SIPA1L1: variants seen among roughly 807,000 people sequenced by gnomAD.
SIPA1L1 encodes signal induced proliferation associated 1 like 1.
In SIPA1L1, 26 loss-of-function variants were observed where a neutral mutation model predicts 162.7. The observed-to-expected ratio is 0.16, with a 90% CI of 0.12 to 0.22. SIPA1L1 has a LOEUF of 0.22. Among genes scored for constraint, SIPA1L1 ranks in the 10% least tolerant of loss-of-function variants. The pLI is 1.00. For missense variants in SIPA1L1, 1,874 were observed against 2,241.0 expected, an observed-to-expected ratio of 0.84 and a Z score of 3.31; for synonymous variants, 829 against 837.4, an observed-to-expected ratio of 0.99 and a Z score of 0.17.
intron 2 of SIPA1L1, among the ~76,000 whole-genome samples, chr14:71,336,240 C>G (rs1043927652): frequency 6.6e-6 from 1 of 152,116 alleles, no homozygotes; most frequent in African/African-American, 2.4e-5. Context: ...ATTAAAAAGT[C>G]AGTAGTTCTT....
chr14:71,510,479 C>T (rs1357699014), intron 2 of SIPA1L1, among the ~76,000 whole-genome samples: 2 of 152,016 alleles, frequency 1.3e-5, no homozygotes, highest in Admixed American at 6.6e-5. Flanking sequence ...CGAGCCACCA[C>T]GCCTGGCCTA....
At chr14:71,454,106 G>C (rs894317836) in intron 2 of SIPA1L1, among the ~76,000 whole-genome samples, 1 of 151,080 alleles carries the variant, frequency 6.6e-6, no homozygotes, top group African/African-American at 2.4e-5. Context: ...AACAAACCCT[G>C]TGTTCCCAGG....
chr14:71,474,650 A>G lies in SIPA1L1; in HGVS notation c.-464-38093A>G, dbSNP rs143461491. Among the ~76,000 whole-genome samples, 351 of 152,338 alleles carry G rather than the reference A, an allele frequency of 2.3e-3. 3 individuals carry two copies. The highest frequency in any genetic ancestry group is 7.8e-3 in the African/African-American group (324 of 41,568). On this transcript the variant is annotated intron_variant, in intron 2 of 23. Transcript: ENST00000381232. ...GCCCTGTCATTGTTCAGGTGAGGAC[A>G]TCTCTGCTGTGCACCACACTGCTCA...
At chr14:71,420,875 G>A (rs544895823) in intron 2 of SIPA1L1, among the ~76,000 whole-genome samples, 2 of 152,122 alleles carry the variant, frequency 1.3e-5, no homozygotes, top group Non-Finnish European at 2.9e-5. Flanking sequence ...CTAGCTAGTC[G>A]TGTAAGCCCT....
At chr14:71,323,090 C>T (rs1211604027) in intron 2 of SIPA1L1, among the ~76,000 whole-genome samples, 1 of 152,204 alleles carries the variant, frequency 6.6e-6, no homozygotes, top group East Asian at 1.9e-4. Flanking sequence ...CAGGCTTCTG[C>T]ATTTGCTTTG....
chr14:71,624,161 C>T lies in SIPA1L1; in HGVS notation c.1743C>T (p.Leu581=), dbSNP rs771103444. The change falls in exon 7 of 24, where the codon CTC becomes CTT. Residue 581 remains leucine (L), a synonymous_variant. Coordinates refer to ENST00000381232, the MANE Select transcript of SIPA1L1 (RefSeq NM_001386936.1). ...KEVLEHVVPE[L]NVQCLRLAFN... ...TGCTGGAGCACGTGGTTCCTGAGCTCAATGTCCAGTGCCTGCGGTTGGCCT... is the reference window on the plus strand; with the variant it reads ...TGCTGGAGCACGTGGTTCCTGAGCTTAATGTCCAGTGCCTGCGGTTGGCCT... The T allele has an allele frequency of 4.3e-6, 7 of 1,614,054 alleles. No homozygotes were observed.
At chr14:71,363,676 C>T (rs2038013479) in intron 2 of SIPA1L1, among the ~76,000 whole-genome samples, 1 of 152,066 alleles carries the variant, frequency 6.6e-6, no homozygotes, top group Non-Finnish European at 1.5e-5. Flanking sequence ...GTAAATAATC[C>T]ACAAATCACT....
chr14:71,452,174 C>G lies in SIPA1L1; in HGVS notation c.-464-60569C>G, dbSNP rs546744071. Among the ~76,000 whole-genome samples, 4 of 152,072 alleles carry G rather than the reference C, an allele frequency of 2.6e-5. 1 individual carries two copies. The highest frequency in any genetic ancestry group is 6.8e-3 in the Middle Eastern group (2 of 294). On this transcript the variant is annotated intron_variant, in intron 2 of 23. Coordinates refer to ENST00000381232, the MANE Select transcript of SIPA1L1 (RefSeq NM_001386936.1). ...CACCACCATTACAGGAAACCCCCCC[C>G]TCATGTTCTCTCCCATTTCAGTACC...
At chr14:71,519,953 A>C (rs2052141342) in intron 3 of SIPA1L1, among the ~76,000 whole-genome samples, 1 of 152,162 alleles carries the variant, frequency 6.6e-6, no homozygotes, top group South Asian at 2.1e-4. Context: ...AGAATGAATA[A>C]ATGATTAGCT....
chr14:71,438,868 G>A (rs2044616641), intron 2 of SIPA1L1, among the ~76,000 whole-genome samples: 2 of 152,282 alleles, frequency 1.3e-5, no homozygotes, highest in South Asian at 4.2e-4. Flanking sequence ...TCTTGGGCTG[G>A]TTGGAAAGCC....
Position 71,740,833 on chromosome 14 carries a change from A to G in SIPA1L1, c.*1672A>G, listed in dbSNP as rs1460015836. The G allele has an allele frequency of 6.6e-6, 1 of 152,140 alleles. No individual in the cohort carries two copies. The highest frequency in any genetic ancestry group is 1.5e-5 in the Non-Finnish European group (1 of 68,026). 9.4% of individuals were successfully genotyped at this position (152,140 alleles called of 1,614,324 possible). On this transcript the variant is annotated 3_prime_UTR_variant, in exon 24 of 24. Coordinates refer to ENST00000381232, the MANE Select transcript of SIPA1L1 (RefSeq NM_001386936.1). ...TGAAGGAGATTGTACATTGCCTGAT[A>G]TCTCTTTGTAAATGAGAAATATTGC...
At chr14:71,398,965 T>C (rs1039407555) in intron 2 of SIPA1L1, among the ~76,000 whole-genome samples, 3 of 152,256 alleles carry the variant, frequency 2.0e-5, no homozygotes, top group Non-Finnish European at 2.9e-5. Context: ...ATACATATTC[T>C]TAAATAAAGT....
chr14:71,428,023 G>A (rs1483904627), intron 2 of SIPA1L1, among the ~76,000 whole-genome samples: 4 of 151,664 alleles, frequency 2.6e-5, no homozygotes, highest in South Asian at 2.1e-4. Context: ...TTGAGATGGA[G>A]TCTCATTTTT....
At chr14:71,563,904 G>T (rs2056986687) in intron 4 of SIPA1L1, among the ~76,000 whole-genome samples, 1 of 152,124 alleles carries the variant, frequency 6.6e-6, no homozygotes, top group Non-Finnish European at 1.5e-5. Context: ...ACAGAAAGTG[G>T]CATACAGAAA....
At chr14:71,429,319 CTTT>C (rs1443649121) in intron 2 of SIPA1L1, among the ~76,000 whole-genome samples, 7 of 151,930 alleles carry the variant, frequency 4.6e-5, no homozygotes, top group Non-Finnish European at 5.9e-5. Context: ...TGATTTGGTA[CTTT>C]TATTTTTATT....
At chr14:71,679,957 G>T (rs1480585533) in intron 12 of SIPA1L1, among the ~76,000 whole-genome samples, 2 of 152,156 alleles carry the variant, frequency 1.3e-5, no homozygotes, top group African/African-American at 4.8e-5. Flanking sequence ...CCTACAAAGA[G>T]ACTTAGACTC....
intron 10 of SIPA1L1, among the ~76,000 whole-genome samples, chr14:71,670,457 T>G (rs958746210): frequency 1.3e-5 from 2 of 152,190 alleles, no homozygotes; most frequent in Admixed American, 1.3e-4. Flanking sequence ...AATAGCTCAG[T>G]TTAAAAATAT....
rs542120704 is a variant in SIPA1L1, at chr14:71,624,292, G to A, written c.1818+56G>A. The A allele has an allele frequency of 3.3e-4, 461 of 1,412,096 alleles. 4 individuals carry two copies. In the South Asian group the frequency reaches 5.7e-3, roughly 18 times the overall value. The allele number at this position is 1,412,096 out of a possible 1,614,324, so 87.5% of individuals were successfully genotyped here. ...TGCTCAGGTTTATTGCTAGGCTTCCGGAATACAGACCTTAATGTTTCTTGT... is the reference window on the plus strand; with the variant it reads ...TGCTCAGGTTTATTGCTAGGCTTCCAGAATACAGACCTTAATGTTTCTTGT... On this transcript the variant is annotated intron_variant, in intron 7 of 23. Coordinates refer to ENST00000381232, the MANE Select transcript of SIPA1L1 (RefSeq NM_001386936.1).
chr14:71,553,360 A>G (rs557478145), intron 4 of SIPA1L1, among the ~76,000 whole-genome samples: 12 of 152,304 alleles, frequency 7.9e-5, no homozygotes, highest in Admixed American at 3.9e-4. Flanking sequence ...CAGTGTTTCT[A>G]TATTTTTCGC....
Sources: gnomAD v4.1 joint callset for allele counts (sites outside exome capture counted in the v4.1 genomes callset) on GRCh38, gnomAD v4.1.1 for gene constraint, MANE v1.5 for transcripts, NCBI Gene and HGNC (gene_info 2026-07-23, HGNC 2026-07-21) for gene names.